ZNF138: variants seen among roughly 807,000 people sequenced by gnomAD.
The protein encoded by ZNF138 is zinc finger protein 138 (clone pHZ-32).
Under a neutral mutation model 33.0 loss-of-function variants are expected in ZNF138, and 33 were observed. The ratio of observed to expected loss-of-function variants is 1.00; its 90% CI spans 0.76 to 1.34. The LOEUF (loss-of-function observed/expected upper bound fraction) is 1.34. Among genes scored for constraint, ZNF138 ranks in the 40% most tolerant of loss-of-function variants. The probability of loss-of-function intolerance (pLI) is 0.00; values close to 1 mark genes in which losing one functional copy is unlikely to be tolerated. For missense variants in ZNF138, 360 were observed against 370.8 expected, an observed-to-expected ratio of 0.97 and a Z score of 0.24; for synonymous variants, 139 against 120.4, an observed-to-expected ratio of 1.15 and a Z score of -1.01.
chr7:64,850,813 C>T, the ZNF138 span, among the ~76,000 whole-genome samples: 1 of 152,138 alleles, frequency 6.6e-6, no homozygotes, highest in Non-Finnish European at 1.5e-5. Context: ...AATTTATTCA[C>T]TCTTATTTAT....
At chr7:64,842,104 C>T in the ZNF138 span, among the ~76,000 whole-genome samples, 1 of 152,190 alleles carries the variant, frequency 6.6e-6, no homozygotes, top group Non-Finnish European at 1.5e-5. Flanking sequence ...TGCTCTGTCA[C>T]CCAGGCTGGA....
chr7:64,851,208 T>G, the ZNF138 span, among the ~76,000 whole-genome samples: 1 of 152,198 alleles, frequency 6.6e-6, no homozygotes, highest in Non-Finnish European at 1.5e-5. Context: ...CCTGTCTATT[T>G]GAAACTTTGT....
chr7:64,817,046 C>G (rs73142758), intron 3 of ZNF138, among the ~76,000 whole-genome samples: 8 of 152,188 alleles, frequency 5.3e-5, no homozygotes, highest in Non-Finnish European at 1.2e-4. Context: ...GCAGTTTGGT[C>G]TGCATATGGT....
At chr7:64,833,895 T>C (rs1295459767), downstream of ZNF138, among the ~76,000 whole-genome samples, 1 of 152,154 alleles carries the variant, frequency 6.6e-6, no homozygotes, top group Non-Finnish European at 1.5e-5. Flanking sequence ...CGGCTAAGTT[T>C]TGTATTTTTT....
At chr7:64,802,439 T>G (rs972112592) in intron 1 of ZNF138, among the ~76,000 whole-genome samples, 1 of 152,224 alleles carries the variant, frequency 6.6e-6, no homozygotes, top group Non-Finnish European at 1.5e-5. Flanking sequence ...GGATTGTCTA[T>G]AGAATGTACA....
chr7:64,847,332 A>ATATATATATATATATATTT, the ZNF138 span, among the ~76,000 whole-genome samples: 1 of 128,140 alleles, frequency 7.8e-6, no homozygotes, highest in African/African-American at 3.0e-5. Flanking sequence ...ATATATATAT[A>ATATATATATATATATATTT]TTTTTTTTTT....
chr7:64,817,642 T>A (rs1405986739), intron 3 of ZNF138, among the ~76,000 whole-genome samples: 1 of 152,216 alleles, frequency 6.6e-6, no homozygotes, highest in African/African-American at 2.4e-5. Context: ...GATGCCTCGC[T>A]CTCTGATAAA....
Position 64,813,583 on chromosome 7 carries a change from G to A in ZNF138, c.4-1335G>A, listed in dbSNP as rs531640483. On this transcript the variant is annotated intron_variant, in intron 1 of 3. Coordinates refer to ENST00000307355, the MANE Select transcript of ZNF138 (RefSeq NM_001271639.2). ...CCAGTAGCTGGGACTACAGGTGCCC[G>A]CCACCACGCCCGGCTAATTTTTTTG... Among the ~76,000 whole-genome samples, 551 of 152,044 alleles carry A rather than the reference G, an allele frequency of 3.6e-3. 8 individuals are homozygous for A. Among genetic ancestry groups the A allele is most frequent in the African/African-American group, 0.013 (530 of 41,464 alleles).
intron 3 of ZNF138, among the ~76,000 whole-genome samples, chr7:64,826,597 G>A (rs938701639): frequency 6.6e-6 from 1 of 151,408 alleles, no homozygotes; most frequent in Non-Finnish European, 1.5e-5. Flanking sequence ...TTTTAAATGT[G>A]TGTATTTATT....
rs551107292 is a variant in ZNF138, at chr7:64,822,479, C to T, written c.208+6826C>T. ...AAAAAAATATTTTTTGTATGTGGTT[C>T]GAGAAAATGATCCAACTTAATTTAT... is the stretch of plus-strand genomic sequence containing the variant. On this transcript the variant is annotated intron_variant, in intron 3 of 3. Transcript: ENST00000307355. Among the ~76,000 whole-genome samples the T allele has an allele frequency of 9.9e-5, 15 of 151,364 alleles. No individual in the cohort carries two copies. The East Asian group carries it at 2.3e-3, about 23-fold the overall frequency.
chr7:64,860,801 T>C, the ZNF138 span, among the ~76,000 whole-genome samples: 1 of 152,172 alleles, frequency 6.6e-6, no homozygotes, highest in Non-Finnish European at 1.5e-5. Flanking sequence ...CAAATAAAAA[T>C]CTCATTAAAA....
downstream of ZNF138, chr7:64,836,515 T>A (rs529774815): frequency 6.8e-6 from 1 of 147,992 alleles, no homozygotes; most frequent in East Asian, 2.0e-4. Flanking sequence ...AAAAGTTCTG[T>A]GCTCATATAG....
chr7:64,859,296 T>G, the ZNF138 span, among the ~76,000 whole-genome samples: 6 of 152,330 alleles, frequency 3.9e-5, no homozygotes, highest in Non-Finnish European at 8.8e-5. Context: ...GTTATTATTG[T>G]GTTTTTTGGA....
At chr7:64,851,226 G>T in the ZNF138 span, among the ~76,000 whole-genome samples, 1 of 152,002 alleles carries the variant, frequency 6.6e-6, no homozygotes, top group South Asian at 2.1e-4. Flanking sequence ...TGTATTTTTT[G>T]ATCAACCCCT....
At chr7:64,841,679 C>T in the ZNF138 span, among the ~76,000 whole-genome samples, 1 of 152,192 alleles carries the variant, frequency 6.6e-6, no homozygotes, top group African/African-American at 2.4e-5. Flanking sequence ...GTGTATTCAT[C>T]ACAGCCCCTC....
the ZNF138 span, among the ~76,000 whole-genome samples, chr7:64,859,539 A>G: frequency 6.6e-6 from 1 of 152,252 alleles, no homozygotes; most frequent in African/African-American, 2.4e-5. Context: ...TACTAAGATT[A>G]GTCAGGACTA....
chr7:64,813,932 A>T (rs1788397516), intron 1 of ZNF138: 3 of 749,416 alleles, frequency 4.0e-6, no homozygotes, highest in Non-Finnish European at 5.0e-6. Context: ...TCTCTGCATT[A>T]TTAAGTATCT....
In ZNF138 at chr7:64,831,433, A is replaced by T; in HGVS notation, c.209-18A>T. ...AGTCTAGCAGGTGGAGTAATTTGTT[A>T]TTTTTTGTTTCTTTCAGCTCTGTGT... On this transcript the variant is annotated intron_variant, in intron 3 of 3. Coordinates refer to ENST00000307355, the MANE Select transcript of ZNF138 (RefSeq NM_001271639.2). The T allele has an allele frequency of 6.6e-7, 1 of 1,516,862 alleles. No individual in the cohort carries two copies. The highest frequency in any genetic ancestry group is 1.4e-5 in the South Asian group (1 of 71,904). The allele number at this position is 1,516,862 out of a possible 1,614,324, so 94.0% of individuals were successfully genotyped here.
Position 64,832,146 on chromosome 7 carries a change from A to G in ZNF138, c.904A>G (p.Thr302Ala), listed in dbSNP as rs769123319. ...CCTTACTAAACATCAGATAATTTAT[A>G]CTGGAGAGGAACCATACAAATGTGA... ...PTLTKHQIIY[T>A]GEEPYKCEEC... Residue 302 changes from threonine to alanine, a missense_variant, in exon 4 of 4, where the codon ACT (threonine) becomes GCT (alanine). Thr to Ala is a moderately conservative substitution (Grantham distance 58). Coordinates refer to ENST00000307355, the MANE Select transcript of ZNF138 (RefSeq NM_001271639.2). 7.4e-6 allele frequency: 12 copies of G among 1,612,384 alleles called. No homozygotes were observed. The South Asian group carries it at 9.9e-5, about 13-fold the overall frequency.
Sources: allele counts gnomAD v4.1 joint callset (sites outside exome capture counted in the v4.1 genomes callset), GRCh38; gene constraint gnomAD v4.1.1; transcripts MANE v1.5; gene names NCBI Gene and HGNC (gene_info 2026-07-23, HGNC 2026-07-21).